Variants in NAA11 observed in about 807,000 individuals in gnomAD.
NAA11 encodes the protein N-alpha-acetyltransferase 11, NatA catalytic subunit.
Under a neutral mutation model 16.1 loss-of-function variants are expected in NAA11, and 15 were observed. The ratio of observed to expected loss-of-function variants is 0.93; its 90% CI spans 0.62 to 1.44. The LOEUF (loss-of-function observed/expected upper bound fraction) is 1.44, where lower values mean the gene tolerates loss of function less well. Among genes scored for constraint, NAA11 ranks in the 40% most tolerant of loss-of-function variants. The pLI, the probability that NAA11 is intolerant of heterozygous loss-of-function variation, is 0.00. For missense variants in NAA11, 298 were observed against 291.3 expected (o/e 1.02, Z -0.17); for synonymous variants, 122 against 112.4 (o/e 1.09, Z -0.54).
At chr4:79,263,349 A>T (rs538142233) in intron 2 of NAA11, among the ~76,000 whole-genome samples, 17 of 152,278 alleles carry the variant, frequency 1.1e-4, no homozygotes, top group African/African-American at 4.1e-4. Flanking sequence ...AACAATGAGC[A>T]ATGACTAGAA....
the NAA11 span, among the ~76,000 whole-genome samples, chr4:79,210,077 A>T: frequency 6.6e-6 from 1 of 152,160 alleles, no homozygotes; most frequent in Non-Finnish European, 1.5e-5. Flanking sequence ...TTTGTTATGC[A>T]TGTGTCTAAT....
intron 2 of NAA11, among the ~76,000 whole-genome samples, chr4:79,292,045 G>C (rs527405513): frequency 6.6e-6 from 1 of 152,250 alleles, no homozygotes; most frequent in East Asian, 1.9e-4. Flanking sequence ...CTGGAACTGT[G>C]AAAACAGAAT....
the NAA11 span, among the ~76,000 whole-genome samples, chr4:79,189,153 A>AAAAAAAAAAAAAAAAAC: frequency 2.7e-5 from 4 of 147,064 alleles, no homozygotes; most frequent in East Asian, 2.0e-4. Context: ...CTCAAAAAAA[A>AAAAAAAAAAAAAAAAAC]AAAAAAAAAA....
chr4:79,277,146 G>T (rs1250133558), intron 2 of NAA11, among the ~76,000 whole-genome samples: 2 of 151,962 alleles, frequency 1.3e-5, no homozygotes, highest in Non-Finnish European at 2.9e-5. Context: ...TGCAAGGTCT[G>T]ACTGCTCTAT....
the NAA11 span, among the ~76,000 whole-genome samples, chr4:79,195,162 A>G: frequency 6.6e-6 from 1 of 152,136 alleles, no homozygotes; most frequent in Non-Finnish European, 1.5e-5. Context: ...TTAATGGGCA[A>G]TTAGCTACCC....
At chr4:79,299,936 C>G (rs1426487732) in intron 1 of NAA11, among the ~76,000 whole-genome samples, 1 of 151,996 alleles carries the variant, frequency 6.6e-6, no homozygotes, top group Non-Finnish European at 1.5e-5. Flanking sequence ...CTAGTTAAGT[C>G]TGAACCAGCC....
intron 2 of NAA11, among the ~76,000 whole-genome samples, chr4:79,285,349 C>A (rs557271972): frequency 3.3e-5 from 5 of 152,070 alleles, no homozygotes; most frequent in African/African-American, 1.2e-4. Flanking sequence ...ATGGCTTTGC[C>A]TATTGTTTAT....
intron 2 of NAA11, among the ~76,000 whole-genome samples, chr4:79,271,637 A>T (rs962538584): frequency 6.6e-6 from 1 of 152,102 alleles, no homozygotes; most frequent in African/African-American, 2.4e-5. Flanking sequence ...CGTTATTAAG[A>T]AGAAACTAAC....
chr4:79,313,542 T>C (rs1723842121), downstream of NAA11, among the ~76,000 whole-genome samples: 1 of 152,180 alleles, frequency 6.6e-6, no homozygotes, highest in African/African-American at 2.4e-5. Flanking sequence ...GAAATCTATC[T>C]TAATTTTGGT....
At chr4:79,175,518 A>G in the NAA11 span, among the ~76,000 whole-genome samples, 5 of 152,110 alleles carry the variant, frequency 3.3e-5, no homozygotes, top group South Asian at 8.3e-4. Context: ...AGTTTGTTTC[A>G]TCTATAATTT....
At chr4:79,156,504 G>A in the NAA11 span, among the ~76,000 whole-genome samples, 34 of 152,302 alleles carry the variant, frequency 2.2e-4, no homozygotes, top group South Asian at 6.4e-3. Context: ...GTGTCTACAG[G>A]CACAATTAAT....
the NAA11 span, among the ~76,000 whole-genome samples, chr4:79,173,486 G>A: frequency 6.6e-6 from 1 of 151,872 alleles, no homozygotes; most frequent in East Asian, 1.9e-4. Flanking sequence ...ACAGTACCTG[G>A]TATATACTAG....
intron 2 of NAA11, among the ~76,000 whole-genome samples, chr4:79,249,350 T>A (rs1326567015): frequency 6.6e-6 from 1 of 152,138 alleles, no homozygotes; most frequent in Non-Finnish European, 1.5e-5. Context: ...TGAAACCTAA[T>A]CCAAGGAATC....
the NAA11 span, among the ~76,000 whole-genome samples, chr4:79,156,305 G>A: frequency 8.3e-6 from 1 of 121,112 alleles, no homozygotes; most frequent in Admixed American, 9.7e-5. Flanking sequence ...TAGAACCAAT[G>A]GGATGTGATG....
Position 79,271,504 on chromosome 4 carries a change from A to G in NAA11, c.*122+22501T>C, listed in dbSNP as rs575333248. Among the ~76,000 whole-genome samples, 646 of 152,196 alleles carry G rather than the reference A, an allele frequency of 4.2e-3. 3 individuals carry two copies. Among genetic ancestry groups the G allele is most frequent in the African/African-American group, 0.015 (605 of 41,550 alleles). ...AAAATTTGTTTCCTTGTGAACAATA[A>G]ATGGTGCGATTTCTTGATAGTTTAA... On this transcript the variant is annotated intron_variant and NMD_transcript_variant, in intron 2 of 2. Coordinates refer to the NAA11 transcript ENST00000511542.
chr4:79,304,431 A>G (rs530984783), intron 1 of NAA11, among the ~76,000 whole-genome samples: 1 of 152,322 alleles, frequency 6.6e-6, no homozygotes, highest in South Asian at 2.1e-4. Context: ...GTGTATGTGA[A>G]CCAAAAATAA....
At chr4:79,239,619 G>A (rs897249493) in intron 2 of NAA11, among the ~76,000 whole-genome samples, 3 of 152,076 alleles carry the variant, frequency 2.0e-5, no homozygotes, top group African/African-American at 7.2e-5. Context: ...AGAATCGCTT[G>A]AACCCGGAAG....
intron 2 of NAA11, among the ~76,000 whole-genome samples, chr4:79,248,271 C>T (rs1349226320): frequency 6.6e-6 from 1 of 152,096 alleles, no homozygotes; most frequent in African/African-American, 2.4e-5. Context: ...CACCAGCCCG[C>T]CTGCACCTTC....
chr4:79,235,049 A>G (rs561356775), intron 2 of NAA11, among the ~76,000 whole-genome samples: 29 of 152,270 alleles, frequency 1.9e-4, no homozygotes, highest in Middle Eastern at 6.8e-3. Context: ...CCAGAAAAGG[A>G]AAGTGGGAGG....
Sources: allele counts gnomAD v4.1 joint callset (sites outside exome capture counted in the v4.1 genomes callset), GRCh38; gene constraint gnomAD v4.1.1; transcripts MANE v1.5; gene names NCBI Gene and HGNC (gene_info 2026-07-23, HGNC 2026-07-21).